Variants in PUDP observed in about 807,000 individuals in gnomAD.
PUDP encodes pseudouridine 5'-phosphatase, also known as pseudouridine-5'-phosphatase.
Under a neutral mutation model 9.4 loss-of-function variants are expected in PUDP, and 8 were observed. The observed-to-expected ratio is 0.85, with a 90% confidence interval of 0.50 to 1.53. The LOEUF is 1.53. Among genes scored for constraint, PUDP ranks in the 40% most tolerant of loss-of-function variants. PUDP has a pLI of 0.00. For missense variants in PUDP, 188 were observed against 189.7 expected (o/e 0.99, Z 0.05); for synonymous variants, 99 against 80.7 (o/e 1.23, Z -1.22).
In PUDP at chrX:7,027,041, C is replaced by A. The variant is rs112160682; in HGVS notation, c.205-48698G>T. Among the ~76,000 whole-genome samples, 439 of 111,491 alleles carry A rather than the reference C, an allele frequency of 3.9e-3. 3 individuals carry two copies. The highest frequency in any genetic ancestry group is 0.014 in the African/African-American group (426 of 30,654). The stretch of plus-strand genomic sequence containing the variant: ...CCAATGCTCACCAGCTGGAGTTTGA[C>A]TTCATATTTTTATTGGTTTCCTGGA... On this transcript the variant is annotated intron_variant and NMD_transcript_variant, in intron 1 of 3. Coordinates refer to the PUDP transcript ENST00000655425.
intron 3 of PUDP, among the ~76,000 whole-genome samples, chrX:7,072,813 CA>C (rs774767127): frequency 8.5e-4 from 28 of 33,011 alleles, no homozygotes; most frequent in East Asian, 2.0e-3. Flanking sequence ...GACTGTGTCT[CA>C]AAAAAAAAAA....
At chrX:6,870,895 T>C (rs1927165358) in intron 3 of PUDP, among the ~76,000 whole-genome samples, 1 of 111,680 alleles carries the variant, frequency 9.0e-6, no homozygotes, top group African/African-American at 3.3e-5. Flanking sequence ...TGGAGTGCAC[T>C]GGTGCAATCA....
At chrX:7,095,665 C>A (rs1339250935) in intron 2 of PUDP, among the ~76,000 whole-genome samples, 3 of 112,497 alleles carry the variant, frequency 2.7e-5, no homozygotes, top group African/African-American at 9.7e-5. Context: ...GGTCCCTCTT[C>A]TCTGTGAGGC....
chrX:7,105,027 C>G (rs146294267), intron 2 of PUDP, among the ~76,000 whole-genome samples: 1 of 110,973 alleles, frequency 9.0e-6, no homozygotes, highest in Non-Finnish European at 1.9e-5. Context: ...GAACAAGGAG[C>G]GTCAGGCAAG....
chrX:6,732,137 G>A (rs1924817025), intron 3 of PUDP, among the ~76,000 whole-genome samples: 2 of 111,237 alleles, frequency 1.8e-5, no homozygotes, highest in Non-Finnish European at 3.8e-5. Flanking sequence ...AATTTTTGGG[G>A]GAAATTGTAG....
intron 3 of PUDP, among the ~76,000 whole-genome samples, chrX:6,769,664 T>C (rs1358788680): frequency 1.8e-5 from 2 of 112,440 alleles, no homozygotes; most frequent in African/African-American, 6.5e-5. Context: ...AAAGCTTTGT[T>C]GTATCTGAGA....
chrX:6,892,219 G>A (rs953509373), intron 3 of PUDP, among the ~76,000 whole-genome samples: 2 of 111,910 alleles, frequency 1.8e-5, no homozygotes, highest in South Asian at 3.7e-4. Context: ...AATTAAATGT[G>A]GTGTTCCATA....
In PUDP at chrX:6,904,688, G is replaced by A. The variant is rs997216454; in HGVS notation, c.*247+72445C>T. On this transcript the variant is annotated intron_variant and NMD_transcript_variant, in intron 3 of 3. Transcript: ENST00000655425. ...GCCAAGCTCAACGTGCCCTGGAAGG[G>A]AGCAGCCAAGGGAAGAGATATATAA... 2.7e-5 allele frequency among the ~76,000 whole-genome samples: 3 copies of A among 111,729 alleles called. No homozygotes were observed. In the East Asian group the frequency reaches 8.5e-4, roughly 32 times the overall value.
At chrX:7,080,836 T>C (rs1225224653) in intron 2 of PUDP, among the ~76,000 whole-genome samples, 1 of 108,143 alleles carries the variant, frequency 9.2e-6, no homozygotes, top group African/African-American at 3.4e-5. Context: ...GGAGAATCGC[T>C]TGAACCTAGG....
chrX:6,828,566 T>C (rs1272080301), intron 3 of PUDP, among the ~76,000 whole-genome samples: 1 of 111,616 alleles, frequency 9.0e-6, no homozygotes, highest in Non-Finnish European at 1.9e-5. Flanking sequence ...CTACCCAGAC[T>C]CCATAGTTTA....
intron 3 of PUDP, among the ~76,000 whole-genome samples, chrX:6,883,629 A>G (rs1463890578): frequency 9.0e-6 from 1 of 111,364 alleles, no homozygotes; most frequent in Non-Finnish European, 1.9e-5. Context: ...TAGTGACTAA[A>G]TATTCTACAA....
chrX:6,854,762 T>C (rs1211947725), intron 3 of PUDP, among the ~76,000 whole-genome samples: 1 of 110,020 alleles, frequency 9.1e-6, no homozygotes, highest in Non-Finnish European at 1.9e-5. Flanking sequence ...TCATCCTCCT[T>C]GTTCTCACGT....
intron 3 of PUDP, among the ~76,000 whole-genome samples, chrX:7,068,586 G>A (rs1033253195): frequency 2.7e-5 from 3 of 112,083 alleles, no homozygotes; most frequent in African/African-American, 6.5e-5. Flanking sequence ...TCAGAAGAGA[G>A]GGCCTAAGAA....
chrX:7,090,223 A>G (rs753363199), intron 2 of PUDP, among the ~76,000 whole-genome samples: 43 of 111,130 alleles, frequency 3.9e-4, no homozygotes, highest in Non-Finnish European at 6.6e-4. Flanking sequence ...AATATTATAT[A>G]TACTATATAA....
intron 3 of PUDP, among the ~76,000 whole-genome samples, chrX:6,957,691 A>C (rs1260239648): frequency 1.8e-5 from 2 of 112,498 alleles, no homozygotes; most frequent in Admixed American, 9.5e-5. Context: ...ACTAGGTAAT[A>C]AGTAGAGGCG....
At chrX:6,819,253 T>G (rs370013133) in intron 3 of PUDP, among the ~76,000 whole-genome samples, 1 of 112,010 alleles carries the variant, frequency 8.9e-6, no homozygotes, top group Non-Finnish European at 1.9e-5. Flanking sequence ...TTGCTTTCCA[T>G]GAAAGCTTTC....
intron 3 of PUDP, among the ~76,000 whole-genome samples, chrX:6,926,437 C>T (rs1928102919): frequency 8.9e-6 from 1 of 112,055 alleles, no homozygotes; most frequent in African/African-American, 3.2e-5. Flanking sequence ...AACAGCAAAA[C>T]TTAAATTAGA....
At chrX:6,968,516 C>T (rs766381785) in intron 3 of PUDP, among the ~76,000 whole-genome samples, 123 of 111,126 alleles carry the variant, frequency 1.1e-3, no homozygotes, top group African/African-American at 3.5e-3. Context: ...ATGGTGGGGC[C>T]GATCGTCTCT....
At chrX:6,844,592 C>A (rs1008275335) in intron 3 of PUDP, among the ~76,000 whole-genome samples, 1 of 112,206 alleles carries the variant, frequency 8.9e-6, no homozygotes, top group Non-Finnish European at 1.9e-5. Flanking sequence ...TATTCTGATG[C>A]CAAATTGTAT....
Sources: gnomAD v4.1 joint callset for allele counts (sites outside exome capture counted in the v4.1 genomes callset) on GRCh38, gnomAD v4.1.1 for gene constraint, MANE v1.5 for transcripts, NCBI Gene and HGNC (gene_info 2026-07-23, HGNC 2026-07-21) for gene names.